PCGF6: variants seen among roughly 807,000 people sequenced by gnomAD.
PCGF6 encodes polycomb group RING finger protein 6.
PCGF6 carries 24 observed loss-of-function variants against 45.5 expected under a neutral mutation model. The observed-to-expected ratio is 0.53, with a 90% confidence interval of 0.38 to 0.74. The LOEUF (loss-of-function observed/expected upper bound fraction) is 0.74, where lower values mean the gene tolerates loss of function less well. Among genes scored for constraint, PCGF6 ranks in the 30% least tolerant of loss-of-function variants. PCGF6 has a pLI of 0.00. For missense variants in PCGF6, 356 were observed against 443.2 expected, an observed-to-expected ratio of 0.80 and a Z score of 1.77; for synonymous variants, 152 against 162.1, an observed-to-expected ratio of 0.94 and a Z score of 0.47.
intron 8 of PCGF6, among the ~76,000 whole-genome samples, chr10:103,323,558 G>A (rs544934697): frequency 6.6e-6 from 1 of 151,908 alleles, no homozygotes; most frequent in South Asian, 2.1e-4. Context: ...GCCTCCCAAA[G>A]TGTTGGGATT....
At chr10:103,306,390 G>A (rs1391857884) in intron 9 of PCGF6, among the ~76,000 whole-genome samples, 3 of 151,974 alleles carry the variant, frequency 2.0e-5, no homozygotes, top group Non-Finnish European at 4.4e-5. Context: ...GAGCCACAAC[G>A]CCTGGCCGCA....
At chr10:103,334,225 T>G (rs1426204530) in intron 6 of PCGF6, among the ~76,000 whole-genome samples, 2 of 152,078 alleles carry the variant, frequency 1.3e-5, no homozygotes, top group Non-Finnish European at 2.9e-5. Flanking sequence ...AATATGAGAA[T>G]TTACTTATTT....
chr10:103,321,124 T>C (rs1001872715), intron 8 of PCGF6, among the ~76,000 whole-genome samples: 1 of 152,178 alleles, frequency 6.6e-6, no homozygotes, highest in African/African-American at 2.4e-5. Flanking sequence ...TGGTAGAATA[T>C]TTATTTAGAG....
intron 6 of PCGF6, 24 bp from the exon 7 acceptor site, chr10:103,333,976 TCA>T (rs772519622): frequency 6.8e-7 from 1 of 1,479,806 alleles, no homozygotes; most frequent in East Asian, 2.4e-5. Flanking sequence ...GCAAAATTAA[TCA>T]ATATTTAATA....
intron 8 of PCGF6, among the ~76,000 whole-genome samples, chr10:103,323,886 G>A (rs1426593327): frequency 6.6e-6 from 1 of 151,620 alleles, no homozygotes; most frequent in Non-Finnish European, 1.5e-5. Flanking sequence ...CACATGGCCA[G>A]TCACTGTTTT....
intron 6 of PCGF6, among the ~76,000 whole-genome samples, chr10:103,339,570 C>T (rs1233757053): frequency 6.6e-6 from 1 of 151,024 alleles, no homozygotes; most frequent in Non-Finnish European, 1.5e-5. Context: ...GCAGGTGGAT[C>T]ACGAGGTCAG....
chr10:103,305,409 G>A lies in PCGF6; in HGVS notation c.997-1448C>T, dbSNP rs550931297. Among the ~76,000 whole-genome samples the A allele has an allele frequency of 2.3e-4, 35 of 151,992 alleles. No homozygotes were observed. The South Asian group carries it at 6.4e-3, about 28-fold the overall frequency. ...CCTCAGCCTCTTGACCAGCTGGAAC[G>A]ACAGGGGCCCGCCATCACGCCTGGC... On this transcript the variant is annotated intron_variant, in intron 9 of 9. Coordinates refer to ENST00000369847, the MANE Select transcript of PCGF6 (RefSeq NM_001011663.2).
At chr10:103,310,333 T>G (rs2093152887) in intron 9 of PCGF6, among the ~76,000 whole-genome samples, 1 of 151,734 alleles carries the variant, frequency 6.6e-6, no homozygotes, top group Non-Finnish European at 1.5e-5. Flanking sequence ...AATGGTTGCC[T>G]TGGTGCTAGG....
In PCGF6 at chr10:103,350,736, C is replaced by T. The variant is rs747164839; in HGVS notation, c.331G>A (p.Gly111Ser). ...MSHFSLRLEG[G>S]RQDSEDEEER... ...TCCTCGTCCTCCGAGTCCTGCCGGCCTCCCTCCAGCCTCAACGAGAAGTGA... is the reference window on the plus strand; with the variant it reads ...TCCTCGTCCTCCGAGTCCTGCCGGCTTCCCTCCAGCCTCAACGAGAAGTGA... The change falls in exon 1 of 10, where the codon GGC becomes AGC. Residue 111 changes from glycine to serine, a missense_variant. Physicochemically the swap from Gly to Ser is moderately conservative, Grantham distance 56. Around this residue, in one of 2 missense-constraint regions of PCGF6, gnomAD observed 307 missense variants for 350.1 expected, o/e 0.88. Coordinates refer to ENST00000369847, the MANE Select transcript of PCGF6 (RefSeq NM_001011663.2). The T allele has an allele frequency of 6.5e-7, 1 of 1,545,422 alleles. No homozygotes were observed. The highest frequency in any genetic ancestry group is 1.2e-5 in the South Asian group (1 of 82,314).
intron 6 of PCGF6, among the ~76,000 whole-genome samples, chr10:103,334,888 T>A (rs1041046137): frequency 6.6e-6 from 1 of 152,104 alleles, no homozygotes; most frequent in African/African-American, 2.4e-5. Flanking sequence ...TGAAAAAAAA[T>A]TAAGCTCACA....
chr10:103,316,019 G>T (rs866017413), intron 8 of PCGF6, among the ~76,000 whole-genome samples: 6,024 of 145,862 alleles, frequency 0.041, 119 homozygotes, highest in Middle Eastern at 0.059. Context: ...TATATAGAGA[G>T]AGAGAGAGAG....
chr10:103,324,788 A>G lies in PCGF6; in HGVS notation c.909+1746T>C, dbSNP rs1166875340. The stretch of plus-strand genomic sequence containing the variant: ...AAAAAAAAAAACCAAAAAAAAAAAA[A>G]AAGAAAATATTACATAGCTAGAACA... On this transcript the variant is annotated intron_variant, in intron 8 of 9. Coordinates refer to ENST00000369847, the MANE Select transcript of PCGF6 (RefSeq NM_001011663.2). 2.7e-5 allele frequency among the ~76,000 whole-genome samples: 4 copies of G among 149,934 alleles called. No homozygotes were observed. In the East Asian group the frequency reaches 7.9e-4, roughly 30 times the overall value.
At chr10:103,328,345 TCA>T (rs2093227023) in intron 7 of PCGF6, among the ~76,000 whole-genome samples, 1 of 152,164 alleles carries the variant, frequency 6.6e-6, no homozygotes, top group South Asian at 2.1e-4. Flanking sequence ...CAACTAAAAC[TCA>T]GAGTCTATAT....
chr10:103,322,308 T>G (rs868045684), intron 8 of PCGF6, among the ~76,000 whole-genome samples: 1 of 152,078 alleles, frequency 6.6e-6, no homozygotes, highest in Non-Finnish European at 1.5e-5. Flanking sequence ...TCAACCCACC[T>G]CAGCCTCCCT....
intron 9 of PCGF6, among the ~76,000 whole-genome samples, chr10:103,306,960 C>T (rs1448189290): frequency 1.3e-5 from 2 of 151,860 alleles, no homozygotes; most frequent in African/African-American, 2.4e-5. Context: ...AAAAATTAGC[C>T]AGGTGTGGTG....
At chr10:103,325,506 C>T (rs911138015) in intron 8 of PCGF6, among the ~76,000 whole-genome samples, 7 of 152,134 alleles carry the variant, frequency 4.6e-5, no homozygotes, top group African/African-American at 1.7e-4. Flanking sequence ...CCTCAGCCTC[C>T]CAAAGTGCTG....
At chr10:103,340,848 C>T (rs576410974) in intron 6 of PCGF6, among the ~76,000 whole-genome samples, 197 of 152,302 alleles carry the variant, frequency 1.3e-3, no homozygotes, top group Non-Finnish European at 2.0e-3. Flanking sequence ...AGCGGTTCTC[C>T]TACCTCTGCT....
chr10:103,334,937 G>T (rs1165228953), intron 6 of PCGF6, among the ~76,000 whole-genome samples: 1 of 152,154 alleles, frequency 6.6e-6, no homozygotes, highest in Non-Finnish European at 1.5e-5. Context: ...AATATGGTAG[G>T]TAATAAAACT....
chr10:103,344,296 G>A (rs1379491818), intron 6 of PCGF6, among the ~76,000 whole-genome samples: 6 of 146,756 alleles, frequency 4.1e-5, no homozygotes, highest in African/African-American at 1.5e-4. Context: ...TTTTGAGACA[G>A]AGTCTCACTC....
Sources: allele counts gnomAD v4.1 joint callset (sites outside exome capture counted in the v4.1 genomes callset), GRCh38; gene constraint gnomAD v4.1.1; regional missense constraint gnomAD v4.1.1; transcripts MANE v1.5; gene names NCBI Gene and HGNC (gene_info 2026-07-23, HGNC 2026-07-21).